Variants in RAB38 observed in about 807,000 individuals in gnomAD.
The protein encoded by RAB38 is ras-related protein Rab-38.
In RAB38, 15 loss-of-function variants were observed where a neutral mutation model predicts 18.4. The observed-to-expected ratio is 0.82, with a 90% CI of 0.55 to 1.26. The LOEUF is 1.26. RAB38 is among the 50% of genes most tolerant of loss of function. The pLI, the probability that RAB38 is intolerant of heterozygous loss-of-function variation, is 0.00. For missense variants in RAB38, 294 were observed against 267.4 expected (o/e 1.10, Z -0.69); for synonymous variants, 101 against 104.4 (o/e 0.97, Z 0.20).
the RAB38 span, chr11:87,817,355 A>T: frequency 6.6e-6 from 1 of 152,324 alleles, no homozygotes; most frequent in Admixed American, 6.5e-5. Flanking sequence ...AGTTAGAAGA[A>T]TCTTAAGAGA....
At chr11:88,112,532 A>G (rs1376105260), downstream of RAB38, among the ~76,000 whole-genome samples, 1 of 152,192 alleles carries the variant, frequency 6.6e-6, no homozygotes, top group Non-Finnish European at 1.5e-5. Context: ...GGCCAAGCTG[A>G]CAGAGCTACC....
the RAB38 span, among the ~76,000 whole-genome samples, chr11:87,957,972 AG>A: frequency 2.6e-5 from 4 of 152,120 alleles, no homozygotes; most frequent in African/African-American, 9.7e-5. Context: ...TTCCAAATAA[AG>A]CACAGCTGGT....
the RAB38 span, among the ~76,000 whole-genome samples, chr11:88,040,065 G>A: frequency 6.6e-6 from 1 of 152,150 alleles, no homozygotes. Context: ...TAATTCCCAG[G>A]GGTTCTTAGA....
At chr11:87,909,623 C>T in the RAB38 span, among the ~76,000 whole-genome samples, 160 of 152,006 alleles carry the variant, frequency 1.1e-3, no homozygotes, top group African/African-American at 3.6e-3. Context: ...TTCTCCATGC[C>T]CCTTGTAGTC....
At chr11:87,950,888 G>A in the RAB38 span, among the ~76,000 whole-genome samples, 6 of 152,054 alleles carry the variant, frequency 3.9e-5, no homozygotes, top group Admixed American at 6.6e-5. Flanking sequence ...CTCAGGGAGT[G>A]TCTTTGTGGC....
chr11:87,913,683 A>G, the RAB38 span, among the ~76,000 whole-genome samples: 1 of 143,600 alleles, frequency 7.0e-6, no homozygotes, highest in Non-Finnish European at 1.6e-5. Context: ...TGCTGTTCTC[A>G]CGGTAGTCTC....
At chr11:87,846,496 G>T in the RAB38 span, among the ~76,000 whole-genome samples, 1 of 151,934 alleles carries the variant, frequency 6.6e-6, no homozygotes, top group Non-Finnish European at 1.5e-5. Context: ...AGATTACAAA[G>T]AATGCATTTT....
At chr11:87,966,839 G>A in the RAB38 span, among the ~76,000 whole-genome samples, 22,654 of 152,222 alleles carry the variant, frequency 0.15, 1,795 homozygotes, top group Non-Finnish European at 0.17. Context: ...TATTGGGTGT[G>A]AGCCAGTGCT....
chr11:88,118,209 G>A (rs1942583089), intron 2 of RAB38, among the ~76,000 whole-genome samples: 1 of 152,212 alleles, frequency 6.6e-6, no homozygotes, highest in Admixed American at 6.5e-5. Flanking sequence ...CAGCATGCAA[G>A]GTAGGAGCAT....
chr11:87,928,294 T>G, the RAB38 span, among the ~76,000 whole-genome samples: 1 of 152,030 alleles, frequency 6.6e-6, no homozygotes, highest in African/African-American at 2.4e-5. Flanking sequence ...ATTTATCAGT[T>G]TATTCTAAGA....
At chr11:87,896,433 G>C in the RAB38 span, among the ~76,000 whole-genome samples, 1 of 151,614 alleles carries the variant, frequency 6.6e-6, no homozygotes, top group Non-Finnish European at 1.5e-5. Context: ...CTAGGAGAAA[G>C]AAAACTGTTT....
chr11:87,815,098 A>G, the RAB38 span: 1 of 152,206 alleles, frequency 6.6e-6, no homozygotes, highest in Non-Finnish European at 1.5e-5. Flanking sequence ...GAAGTTCATA[A>G]TGGATGCTGT....
the RAB38 span, among the ~76,000 whole-genome samples, chr11:88,089,903 A>G: frequency 6.6e-6 from 1 of 151,964 alleles, no homozygotes; most frequent in Non-Finnish European, 1.5e-5. Flanking sequence ...AGTAGAAGGT[A>G]TAGGCTGTGG....
the RAB38 span, among the ~76,000 whole-genome samples, chr11:87,976,609 AT>A: frequency 1.5e-5 from 1 of 65,380 alleles, no homozygotes; most frequent in African/African-American, 5.7e-5. Flanking sequence ...ATAAATACAT[AT>A]TTTACATGAT....
chr11:87,941,230 T>G, the RAB38 span, among the ~76,000 whole-genome samples: 1 of 122,248 alleles, frequency 8.2e-6, no homozygotes, highest in Non-Finnish European at 1.7e-5. Context: ...TATATATATA[T>G]ATATATATAT....
the RAB38 span, among the ~76,000 whole-genome samples, chr11:87,896,809 A>G: frequency 5.3e-5 from 8 of 151,564 alleles, no homozygotes; most frequent in Non-Finnish European, 1.2e-4. Context: ...TGAATATTAC[A>G]GGGCCTCATA....
At chr11:88,109,346 C>T (rs1420103650), downstream of RAB38, among the ~76,000 whole-genome samples, 1 of 152,154 alleles carries the variant, frequency 6.6e-6, no homozygotes, top group Non-Finnish European at 1.5e-5. Flanking sequence ...GGACCCCTTC[C>T]TTACACCTTA....
At chr11:87,820,241 C>G in the RAB38 span, among the ~76,000 whole-genome samples, 2 of 152,092 alleles carry the variant, frequency 1.3e-5, no homozygotes, top group African/African-American at 4.8e-5. Flanking sequence ...GACAGGAAAC[C>G]AAGCCTGATG....
chr11:88,113,655 C>G lies in RAB38; in HGVS notation c.*333G>C, dbSNP rs914556122. The G allele has an allele frequency of 4.7e-6, 1 of 214,408 alleles. No individual in the cohort carries two copies. Among genetic ancestry groups the G allele is most frequent in the African/African-American group, 2.3e-5 (1 of 44,100 alleles). The allele number at this position is 214,408 out of a possible 1,614,324, so 13.3% of individuals were successfully genotyped here. On this transcript the variant is annotated 3_prime_UTR_variant, in exon 3 of 3. Transcript: ENST00000243662. ...TCCTTGACTTGACAGCTAGTTTGTT[C>G]TTCTCCCCTTTTATTTTAAGACTTG...
Sources: gnomAD v4.1 joint callset for allele counts (sites outside exome capture counted in the v4.1 genomes callset) on GRCh38, gnomAD v4.1.1 for gene constraint, MANE v1.5 for transcripts, NCBI Gene and HGNC (gene_info 2026-07-23, HGNC 2026-07-21) for gene names.